The following CDK1 variants were observed in gnomAD, a reference collection of about 807,000 sequenced individuals.
The protein encoded by CDK1 is cyclin dependent kinase 1.
CDK1 carries 5 observed loss-of-function variants against 34.6 expected under a neutral mutation model. That is an observed-to-expected ratio of 0.14 (90% CI 0.08 to 0.30). The LOEUF (loss-of-function observed/expected upper bound fraction) is 0.30. CDK1 is among the 10% of genes least tolerant of loss of function. The probability of loss-of-function intolerance (pLI) is 1.00; values close to 1 mark genes in which losing one functional copy is unlikely to be tolerated. For missense variants in CDK1, 157 were observed against 345.7 expected (o/e 0.45, Z 4.33); for synonymous variants, 108 against 114.7 (o/e 0.94, Z 0.37).
chr10:60,791,794 A>G (rs1012325215), intron 5 of CDK1, 96 bp from the exon 6 acceptor site: 6 of 595,610 alleles, frequency 1.0e-5, no homozygotes, highest in African/African-American at 5.7e-5. Context: ...CAGTCATACA[A>G]CCTTTAAAGG....
chr10:60,779,034 A>G (rs2080249176), intron 1 of CDK1, among the ~76,000 whole-genome samples: 1 of 152,172 alleles, frequency 6.6e-6, no homozygotes, highest in African/African-American at 2.4e-5. Flanking sequence ...GGGTCCCTAG[A>G]GCCAGGCCGC....
intron 5 of CDK1, among the ~76,000 whole-genome samples, chr10:60,788,826 C>T (rs749533123): frequency 1.6e-4 from 25 of 152,094 alleles, no homozygotes; most frequent in Non-Finnish European, 2.5e-4. Flanking sequence ...GAGTTGTCTA[C>T]CCTTGACCCA....
chr10:60,781,457 G>A (rs2080272001), intron 2 of CDK1, among the ~76,000 whole-genome samples: 1 of 152,144 alleles, frequency 6.6e-6, no homozygotes, highest in South Asian at 2.1e-4. Context: ...TTCTGCCTCT[G>A]CAAATGGTGA....
Position 60,791,952 on chromosome 10 carries a change from A to G in CDK1, c.552A>G (p.Pro184=). ...VLLGSARYST[P]VDIWSIGTIF... ...TGGGGTCAGCTCGTTACTCAACTCC[A>G]GTTGACATTTGGAGTATAGGCACCA... Residue 184 remains proline, a synonymous_variant, in exon 6 of 8, where the codon CCA becomes CCG. Transcript: ENST00000395284. 1 of 1,612,528 alleles carries G rather than the reference A, an allele frequency of 6.2e-7. No individual in the cohort carries two copies. Among genetic ancestry groups the G allele is most frequent in the South Asian group, 1.1e-5 (1 of 91,024 alleles).
intron 3 of CDK1, among the ~76,000 whole-genome samples, 169 bp from the exon 4 acceptor site, chr10:60,785,495 C>T (rs2080308024): frequency 6.6e-6 from 1 of 152,168 alleles, no homozygotes; most frequent in African/African-American, 2.4e-5. Flanking sequence ...AATAGTTGCC[C>T]TGAGATTCCT....
At chr10:60,784,250 C>T (rs556575561) in intron 2 of CDK1, among the ~76,000 whole-genome samples, 124 of 152,260 alleles carry the variant, frequency 8.1e-4, no homozygotes, top group Admixed American at 4.4e-3. Context: ...TTTTTGGAAG[C>T]AATGAGGGTA....
intron 4 of CDK1, 70 bp downstream of exon 4, chr10:60,785,857 T>C: frequency 7.2e-7 from 1 of 1,381,990 alleles, no homozygotes. Flanking sequence ...TAGAAGTCCC[T>C]GCATTTTGTG....
intron 2 of CDK1, among the ~76,000 whole-genome samples, chr10:60,780,894 C>T (rs1052485497): frequency 1.3e-4 from 20 of 151,870 alleles, no homozygotes; most frequent in Admixed American, 1.3e-3. Flanking sequence ...ATAGGTTCTG[C>T]CAGAAGAAAA....
chr10:60,787,186 C>T (rs1589112616), intron 4 of CDK1: 1 of 373,866 alleles, frequency 2.7e-6, no homozygotes, highest in Non-Finnish European at 3.7e-6. Context: ...AACCATACTT[C>T]ATTTACCCAT....
intron 2 of CDK1, among the ~76,000 whole-genome samples, chr10:60,783,971 AAGCATAAAGCACTCT>A (rs1294629559): frequency 6.6e-6 from 1 of 152,212 alleles, no homozygotes. Context: ...GTGTTTTGAA[AAGCATAAAGCACTCT>A]ACAGTATTTT....
chr10:60,784,658 T>G lies in CDK1; in HGVS notation c.38-47T>G. Reference sequence around the variant, plus strand: ...GAAAAAAAAAAAGAAAAAAAGATCTTTAGTTTGTGGGGTGTGTCACACAGC... The same window carrying G: ...GAAAAAAAAAAAGAAAAAAAGATCTGTAGTTTGTGGGGTGTGTCACACAGC... On this transcript the variant is annotated intron_variant, in intron 2 of 7. Transcript: ENST00000395284. 2.7e-6 allele frequency: 4 copies of G among 1,480,530 alleles called. No individual in the cohort carries two copies. In the South Asian group the frequency reaches 5.0e-5, roughly 18 times the overall value. 91.7% of individuals were successfully genotyped at this position (1,480,530 alleles called of 1,614,324 possible).
intron 1 of CDK1, among the ~76,000 whole-genome samples, chr10:60,779,666 C>A (rs944159462): frequency 6.6e-6 from 1 of 152,106 alleles, no homozygotes. Flanking sequence ...CAAAATTTTC[C>A]TAATGAACAG....
intron 2 of CDK1, 39 bp downstream of exon 2, chr10:60,780,241 TAACAATGCTACAACTTCTGTA>T: frequency 9.9e-7 from 1 of 1,013,642 alleles, no homozygotes; most frequent in Non-Finnish European, 1.6e-6. Flanking sequence ...TGGAATGATT[TAACAATGCTACAACTTCTGTA>T]ATATGAACAC....
intron 2 of CDK1, among the ~76,000 whole-genome samples, chr10:60,781,059 T>TA (rs200474878): frequency 0.077 from 1,077 of 14,044 alleles, 17 homozygotes; most frequent in African/African-American, 0.13. Context: ...TATATATATA[T>TA]TTTTTTTTTA....
chr10:60,786,183 T>G (rs965872819), intron 4 of CDK1: 3 of 901,320 alleles, frequency 3.3e-6, no homozygotes, highest in Non-Finnish European at 2.7e-6. Context: ...TTCAGGTAAA[T>G]TATAAAATTG....
intron 1 of CDK1, among the ~76,000 whole-genome samples, chr10:60,779,270 C>A (rs1320388360): frequency 1.3e-5 from 2 of 152,154 alleles, no homozygotes; most frequent in Non-Finnish European, 2.9e-5. Flanking sequence ...TCTGAGTGTG[C>A]TTTATAAATG....
chr10:60,785,872 T>A, intron 4 of CDK1, 85 bp downstream of exon 4: 1 of 1,372,888 alleles, frequency 7.3e-7, no homozygotes, highest in South Asian at 2.1e-5. Flanking sequence ...TTTGTGGGAA[T>A]ATGCTTGGAA....
chr10:60,785,975 T>C (rs1197625849), intron 4 of CDK1, 188 bp downstream of exon 4: 2 of 1,189,244 alleles, frequency 1.7e-6, no homozygotes, highest in African/African-American at 3.1e-5. Flanking sequence ...AGATAGTGTT[T>C]CTAGTAAGTA....
At chr10:60,780,652 A>C (rs1203902956) in intron 2 of CDK1, among the ~76,000 whole-genome samples, 1 of 152,214 alleles carries the variant, frequency 6.6e-6, no homozygotes, top group Non-Finnish European at 1.5e-5. Context: ...ATTTAAATAA[A>C]ATTTCTATTT....
Sources: allele counts gnomAD v4.1 joint callset (sites outside exome capture counted in the v4.1 genomes callset), GRCh38; gene constraint gnomAD v4.1.1; transcripts MANE v1.5; gene names NCBI Gene and HGNC (gene_info 2026-07-23, HGNC 2026-07-21).